The following CSMD1 variants were observed in gnomAD, a reference collection of about 807,000 sequenced individuals.
The protein encoded by CSMD1 is CUB and sushi domain-containing protein 1.
Under a neutral mutation model 417.5 loss-of-function variants are expected in CSMD1, and 213 were observed. The observed-to-expected ratio is 0.51, with a 90% CI of 0.46 to 0.57. The LOEUF is 0.57. Among genes scored for constraint, CSMD1 ranks in the 20% least tolerant of loss-of-function variants. The pLI is 0.00. For missense variants in CSMD1, 6,923 were observed against 4,529.7 expected, an observed-to-expected ratio of 1.53 and a Z score of -15.17; for synonymous variants, 2,862 against 1,736.8, an observed-to-expected ratio of 1.65 and a Z score of -16.11.
At chr8:4,754,693 C>A (rs918841062) in intron 1 of CSMD1, among the ~76,000 whole-genome samples, 2 of 151,842 alleles carry the variant, frequency 1.3e-5, no homozygotes, top group African/African-American at 2.4e-5. Flanking sequence ...ACTAAAAATA[C>A]AATAATTTAG....
chr8:3,585,527 G>C (rs920118439), intron 9 of CSMD1, among the ~76,000 whole-genome samples: 1 of 151,964 alleles, frequency 6.6e-6, no homozygotes, highest in Non-Finnish European at 1.5e-5. Context: ...TATGATTTCT[G>C]TAATTCTGGT....
intron 3 of CSMD1, among the ~76,000 whole-genome samples, chr8:4,263,521 T>C (rs1193746122): frequency 1.3e-5 from 2 of 152,214 alleles, no homozygotes; most frequent in Non-Finnish European, 2.9e-5. Context: ...TTTACTTCTC[T>C]GGCACTTGAT....
chr8:4,547,796 T>C (rs55769566), intron 2 of CSMD1, among the ~76,000 whole-genome samples: 1 of 152,030 alleles, frequency 6.6e-6, no homozygotes, highest in Admixed American at 6.6e-5. Flanking sequence ...TTCAAGAAAA[T>C]AGAGTGTTAA....
intron 15 of CSMD1, among the ~76,000 whole-genome samples, chr8:3,401,589 G>A (rs548884185): frequency 1.7e-3 from 266 of 152,190 alleles, no homozygotes; most frequent in Middle Eastern, 3.4e-3. Context: ...TTACACTGCC[G>A]TAACTAACAG....
At chr8:3,731,882 T>C (rs1585148981) in intron 6 of CSMD1, among the ~76,000 whole-genome samples, 1 of 152,300 alleles carries the variant, frequency 6.6e-6, no homozygotes, top group East Asian at 1.9e-4. Context: ...AAACTAAAGC[T>C]TAGAGCAGTT....
At chr8:4,826,291 A>C (rs955764505) in intron 1 of CSMD1, among the ~76,000 whole-genome samples, 2 of 152,054 alleles carry the variant, frequency 1.3e-5, no homozygotes, top group African/African-American at 4.8e-5. Context: ...ACACATACGT[A>C]TATGTATGTG....
At chr8:4,796,820 G>C (rs1020388353) in intron 1 of CSMD1, among the ~76,000 whole-genome samples, 1 of 152,002 alleles carries the variant, frequency 6.6e-6, no homozygotes, top group Non-Finnish European at 1.5e-5. Context: ...TGTTTATCTT[G>C]TGCAGTACAA....
chr8:3,504,625 TTCTC>T (rs1796746968), intron 10 of CSMD1, among the ~76,000 whole-genome samples: 1 of 152,346 alleles, frequency 6.6e-6, no homozygotes, highest in South Asian at 2.1e-4. Context: ...CTCATCTGTC[TTCTC>T]TCTGACTCTG....
chr8:3,741,611 G>A (rs1796808020), intron 6 of CSMD1, among the ~76,000 whole-genome samples: 1 of 152,188 alleles, frequency 6.6e-6, no homozygotes, highest in Admixed American at 6.5e-5. Context: ...ATTATTCAGT[G>A]CAAATAGTGC....
At chr8:4,227,444 G>C (rs1380884388) in intron 3 of CSMD1, among the ~76,000 whole-genome samples, 5 of 152,116 alleles carry the variant, frequency 3.3e-5, no homozygotes, top group Admixed American at 6.5e-5. Context: ...AAAGCCTAGT[G>C]TATGACATTC....
chr8:4,460,172 C>T (rs2129935600), intron 2 of CSMD1, among the ~76,000 whole-genome samples: 1 of 151,984 alleles, frequency 6.6e-6, no homozygotes, highest in South Asian at 2.1e-4. Context: ...ATTATCTGAG[C>T]TCAATGCAAG....
intron 54 of CSMD1, among the ~76,000 whole-genome samples, chr8:2,993,536 T>G (rs574433390): frequency 6.6e-6 from 1 of 152,288 alleles, no homozygotes; most frequent in African/African-American, 2.4e-5. Context: ...AAAATATTTT[T>G]TAGGAAGTCG....
chr8:3,741,859 G>C (rs1223765533), intron 6 of CSMD1, among the ~76,000 whole-genome samples: 2 of 152,020 alleles, frequency 1.3e-5, no homozygotes, highest in African/African-American at 4.8e-5. Context: ...AAACTCTTGT[G>C]GACCAAAGGT....
intron 22 of CSMD1, among the ~76,000 whole-genome samples, chr8:3,345,363 C>G (rs147774396): frequency 6.6e-6 from 1 of 152,138 alleles, no homozygotes; most frequent in East Asian, 1.9e-4. Flanking sequence ...TTATCCATGT[C>G]ATCAGCAATC....
At chr8:3,344,507 A>G (rs34169060) in intron 22 of CSMD1, among the ~76,000 whole-genome samples, 17,497 of 152,250 alleles carry the variant, frequency 0.11, 1,390 homozygotes, top group African/African-American at 0.22. Flanking sequence ...CTCGCTCCCA[A>G]TAACAACAGA....
chr8:3,990,015 T>C (rs1190054503), intron 5 of CSMD1, among the ~76,000 whole-genome samples: 2 of 152,224 alleles, frequency 1.3e-5, no homozygotes, highest in African/African-American at 4.8e-5. Flanking sequence ...GCCAGTTGGC[T>C]GATTTGAGGA....
chr8:3,520,446 T>C (rs939830853), intron 10 of CSMD1, among the ~76,000 whole-genome samples: 4 of 152,250 alleles, frequency 2.6e-5, no homozygotes, highest in African/African-American at 7.2e-5. Flanking sequence ...AATAAAACAA[T>C]CTTAAAATAT....
intron 3 of CSMD1, among the ~76,000 whole-genome samples, chr8:4,272,136 T>C (rs1000779527): frequency 2.0e-5 from 3 of 152,182 alleles, no homozygotes; most frequent in East Asian, 1.9e-4. Flanking sequence ...GCTGGACACA[T>C]GGAGTCTTAC....
chr8:3,858,835 T>C (rs1420190047), intron 5 of CSMD1, among the ~76,000 whole-genome samples: 1 of 152,200 alleles, frequency 6.6e-6, no homozygotes, highest in East Asian at 1.9e-4. Flanking sequence ...GACTTGCATG[T>C]TGCATTTTTG....
Sources: gnomAD v4.1 joint callset for allele counts (sites outside exome capture counted in the v4.1 genomes callset) on GRCh38, gnomAD v4.1.1 for gene constraint, MANE v1.5 for transcripts, NCBI Gene and HGNC (gene_info 2026-07-23, HGNC 2026-07-21) for gene names.